Variants in VPS41 observed in about 807,000 individuals in gnomAD.
The protein encoded by VPS41 is vacuolar protein sorting-associated protein 41 homolog.
In VPS41, 85 loss-of-function variants were observed where a neutral mutation model predicts 130.9. The ratio of observed to expected loss-of-function variants is 0.65; its 90% confidence interval spans 0.55 to 0.78. VPS41 has a LOEUF of 0.78. Ranked by LOEUF, VPS41 falls within the 30% of genes least tolerant of loss-of-function variation. The pLI, the probability that VPS41 is intolerant of heterozygous loss-of-function variation, is 0.00. For missense variants in VPS41, 874 were observed against 1,018.7 expected (o/e 0.86, Z 1.93); for synonymous variants, 335 against 332.9 (o/e 1.01, Z -0.07).
intron 4 of VPS41, among the ~76,000 whole-genome samples, chr7:38,851,420 T>C (rs923241556): frequency 6.6e-6 from 1 of 152,244 alleles, no homozygotes; most frequent in African/African-American, 2.4e-5. Context: ...AATGTTATAA[T>C]ATGTAGCCTT....
intron 2 of VPS41, among the ~76,000 whole-genome samples, chr7:38,875,209 A>G (rs760087148): frequency 2.0e-5 from 3 of 152,186 alleles, no homozygotes; most frequent in Non-Finnish European, 4.4e-5. Context: ...GGCAACATAC[A>G]CAGGAGCTAC....
intron 4 of VPS41, among the ~76,000 whole-genome samples, chr7:38,848,345 C>T (rs1214529588): frequency 6.6e-6 from 1 of 152,174 alleles, no homozygotes; most frequent in African/African-American, 2.4e-5. Context: ...GATAGGGAGG[C>T]AGCAAAATGG....
chr7:38,734,952 G>C (rs905720572), intron 25 of VPS41, among the ~76,000 whole-genome samples: 5 of 152,234 alleles, frequency 3.3e-5, no homozygotes, highest in Admixed American at 2.0e-4. Context: ...TTTGCTTTCG[G>C]CTGGGATTCT....
chr7:38,740,796 T>C (rs1430006514), intron 25 of VPS41, among the ~76,000 whole-genome samples: 3 of 152,310 alleles, frequency 2.0e-5, no homozygotes, highest in Middle Eastern at 3.4e-3. Flanking sequence ...GAGCCTGGCT[T>C]AGAGCACCTT....
intron 2 of VPS41, among the ~76,000 whole-genome samples, chr7:38,896,948 C>T (rs190056773): frequency 2.3e-4 from 35 of 152,320 alleles, no homozygotes; most frequent in African/African-American, 7.7e-4. Context: ...AATCCCAGCA[C>T]TTTGGGAGGC....
intron 10 of VPS41, among the ~76,000 whole-genome samples, chr7:38,781,777 T>C (rs1205340928): frequency 1.3e-5 from 2 of 152,242 alleles, no homozygotes; most frequent in Non-Finnish European, 1.5e-5. Context: ...CTTTTATTTA[T>C]TAATTCTTCC....
At chr7:38,825,154 G>A (rs1347313604) in intron 5 of VPS41, among the ~76,000 whole-genome samples, 1 of 152,208 alleles carries the variant, frequency 6.6e-6, no homozygotes. Context: ...CCACAGTAGG[G>A]GCTGGAGGAG....
At chr7:38,871,168 G>C (rs1222126652) in intron 2 of VPS41, among the ~76,000 whole-genome samples, 3 of 152,010 alleles carry the variant, frequency 2.0e-5, no homozygotes, top group African/African-American at 7.2e-5. Flanking sequence ...AAGAAGCTCT[G>C]CAATAAGCAG....
intron 4 of VPS41, among the ~76,000 whole-genome samples, chr7:38,849,239 G>A (rs1040197694): frequency 6.6e-6 from 1 of 152,114 alleles, no homozygotes; most frequent in Non-Finnish European, 1.5e-5. Flanking sequence ...TGGGTGGGCT[G>A]TGGTGCTCCT....
intron 4 of VPS41, among the ~76,000 whole-genome samples, chr7:38,848,315 A>AAT (rs3839725): frequency 0.08 from 12,239 of 152,194 alleles, 581 homozygotes; most frequent in Non-Finnish European, 0.1. Context: ...ACTCCTCCCA[A>AAT]ATAAACACAG....
In VPS41 at chr7:38,795,358, A is replaced by G. The variant is rs371765758; in HGVS notation, c.717+107T>C. On this transcript the variant is annotated intron_variant, in intron 9 of 28. Transcript: ENST00000310301. Reference sequence around the variant, plus strand: ...GGTAATCACGTCACAATAACATCCAAGTGAAAAGATTTGGGTCCTAGAAGC... The same window carrying G: ...GGTAATCACGTCACAATAACATCCAGGTGAAAAGATTTGGGTCCTAGAAGC... 8.1e-6 allele frequency: 7 copies of G among 863,326 alleles called. 1 individual carries two copies. The highest frequency in any genetic ancestry group is 2.7e-5 in the East Asian group (1 of 36,782). The allele number at this position is 863,326 out of a possible 1,614,324, so 53.5% of individuals were successfully genotyped here.
Position 38,738,866 on chromosome 7 carries a change from G to T in VPS41, c.2259+3119C>A, listed in dbSNP as rs549829546. Among the ~76,000 whole-genome samples the T allele has an allele frequency of 7.0e-4, 106 of 152,342 alleles. 1 individual carries two copies. The highest frequency in any genetic ancestry group is 4.4e-5 in the Non-Finnish European group (3 of 68,034). On this transcript the variant is annotated intron_variant, in intron 25 of 28. Coordinates refer to ENST00000310301, the MANE Select transcript of VPS41 (RefSeq NM_014396.4). ...GAAATTAAACACTGCTGATGTAGTT[G>T]ATTATACTACTTCCTTAAACTATGT...
At chr7:38,768,395 T>C (rs1784089439) in intron 14 of VPS41, among the ~76,000 whole-genome samples, 1 of 150,162 alleles carries the variant, frequency 6.7e-6, no homozygotes, top group African/African-American at 2.5e-5. Context: ...AATACCTTCT[T>C]GGATGGCAAA....
At chr7:38,869,030 G>A (rs1170839341) in intron 3 of VPS41, 116 bp downstream of exon 3, 7 of 728,282 alleles carry the variant, frequency 9.6e-6, no homozygotes, top group African/African-American at 3.5e-5. Flanking sequence ...GAGAGCAGTG[G>A]CAAGGAGACA....
intron 5 of VPS41, among the ~76,000 whole-genome samples, chr7:38,828,924 G>A (rs748665842): frequency 6.6e-6 from 1 of 152,084 alleles, no homozygotes; most frequent in Non-Finnish European, 1.5e-5. Flanking sequence ...GAAGTATTTA[G>A]TAAAAATTCG....
At chr7:38,793,309 A>G (rs544572364) in intron 9 of VPS41, among the ~76,000 whole-genome samples, 3 of 152,316 alleles carry the variant, frequency 2.0e-5, no homozygotes, top group South Asian at 2.1e-4. Context: ...AGTAAATGGT[A>G]AGGTCCAATT....
intron 7 of VPS41, among the ~76,000 whole-genome samples, chr7:38,797,243 G>A (rs1562590255): frequency 6.6e-6 from 1 of 152,154 alleles, no homozygotes; most frequent in Non-Finnish European, 1.5e-5. Context: ...CCTCTTTTAA[G>A]TTTTTCACTG....
At chr7:38,800,797 T>C (rs374620307) in intron 7 of VPS41, among the ~76,000 whole-genome samples, 4 of 152,114 alleles carry the variant, frequency 2.6e-5, no homozygotes, top group East Asian at 3.9e-4. Flanking sequence ...GATTGTGCCA[T>C]TGCACTCCAG....
chr7:38,815,613 T>A (rs1785032635), intron 7 of VPS41, among the ~76,000 whole-genome samples: 1 of 152,122 alleles, frequency 6.6e-6, no homozygotes, highest in South Asian at 2.1e-4. Flanking sequence ...CAAAGGAGAT[T>A]AACATTTGAG....
Sources: gnomAD v4.1 joint callset for allele counts (sites outside exome capture counted in the v4.1 genomes callset) on GRCh38, gnomAD v4.1.1 for gene constraint, MANE v1.5 for transcripts, NCBI Gene and HGNC (gene_info 2026-07-23, HGNC 2026-07-21) for gene names.